The following PHLDB2 variants were observed in gnomAD, a reference collection of about 807,000 sequenced individuals.
PHLDB2 encodes pleckstrin homology-like domain family B member 2.
A neutral mutation model predicts 123.6 loss-of-function variants in PHLDB2; 71 were observed. That is an observed-to-expected ratio of 0.57 (90% CI 0.47 to 0.70). The LOEUF is 0.70. Ranked by LOEUF, PHLDB2 falls within the 30% of genes least tolerant of loss-of-function variation. PHLDB2 has a pLI of 0.00. For missense variants in PHLDB2, 1,446 were observed against 1,519.5 expected (o/e 0.95, Z 0.80); for synonymous variants, 547 against 541.6 (o/e 1.01, Z -0.14).
chr3:111,867,780 C>A (rs940988868), intron 1 of PHLDB2, among the ~76,000 whole-genome samples: 1 of 152,096 alleles, frequency 6.6e-6, no homozygotes, highest in Non-Finnish European at 1.5e-5. Flanking sequence ...TGGCTTACTG[C>A]AGCCTTGGTT....
chr3:111,827,159 AT>A (rs2062694882), intron 1 of PHLDB2, among the ~76,000 whole-genome samples: 1 of 152,196 alleles, frequency 6.6e-6, no homozygotes, highest in African/African-American at 2.4e-5. Flanking sequence ...GTTCAAATTG[AT>A]CCTCCAACCT....
At chr3:111,845,702 G>C in intron 1 of PHLDB2, 1 of 1,150,598 alleles carries the variant, frequency 8.7e-7, no homozygotes, top group Non-Finnish European at 1.2e-6. Flanking sequence ...TTCAGCAGTA[G>C]TTAGTTTCCC....
At chr3:111,806,440 T>C (rs2061591064) in intron 1 of PHLDB2, among the ~76,000 whole-genome samples, 1 of 152,180 alleles carries the variant, frequency 6.6e-6, no homozygotes, top group Non-Finnish European at 1.5e-5. Context: ...CTTCTGTGAC[T>C]GGCTTCTTTC....
intron 5 of PHLDB2, among the ~76,000 whole-genome samples, chr3:111,923,470 T>G (rs564975521): frequency 1.3e-5 from 2 of 152,332 alleles, no homozygotes; most frequent in South Asian, 4.1e-4. Flanking sequence ...TTCAAATAAC[T>G]TGTATATGCT....
chr3:111,749,102 T>A (rs1434538734), intron 1 of PHLDB2, among the ~76,000 whole-genome samples: 1 of 143,498 alleles, frequency 7.0e-6, no homozygotes, highest in Non-Finnish European at 1.5e-5. Context: ...AAGAGAAGGC[T>A]AAAAAAAAAA....
At chr3:111,822,295 A>ATGTG (rs35687126) in intron 1 of PHLDB2, among the ~76,000 whole-genome samples, 7,149 of 144,078 alleles carry the variant, frequency 0.05, 217 homozygotes, top group Middle Eastern at 0.082. Context: ...ATCTTTATGT[A>ATGTG]TGTGTGTGTG....
chr3:111,945,494 C>T, intron 9 of PHLDB2, 137 bp downstream of exon 9: 1 of 705,804 alleles, frequency 1.4e-6, no homozygotes, highest in Non-Finnish European at 2.5e-6. Context: ...GATGGTTTCC[C>T]TGCCTTTCAT....
chr3:111,747,167 T>A (rs976423086), intron 1 of PHLDB2, among the ~76,000 whole-genome samples: 1 of 152,186 alleles, frequency 6.6e-6, no homozygotes, highest in Non-Finnish European at 1.5e-5. Context: ...ATACTATAGA[T>A]TTATTCTTAT....
chr3:111,912,099 A>C (rs1035736003), intron 2 of PHLDB2, among the ~76,000 whole-genome samples: 1 of 152,234 alleles, frequency 6.6e-6, no homozygotes, highest in Non-Finnish European at 1.5e-5. Context: ...TCAGTGTGGT[A>C]AATGTGATCA....
At chr3:111,750,770 A>G (rs1432105431) in intron 1 of PHLDB2, among the ~76,000 whole-genome samples, 1 of 151,928 alleles carries the variant, frequency 6.6e-6, no homozygotes, top group African/African-American at 2.4e-5. Context: ...ACATGGTGAA[A>G]CCCCACCTCT....
chr3:111,762,700 G>A (rs959299886), intron 1 of PHLDB2, among the ~76,000 whole-genome samples: 12 of 152,160 alleles, frequency 7.9e-5, no homozygotes, highest in Non-Finnish European at 1.2e-4. Context: ...CGTAGTTTGT[G>A]TCTGAAATGG....
intron 1 of PHLDB2, among the ~76,000 whole-genome samples, chr3:111,786,193 G>A (rs1436759324): frequency 6.6e-6 from 1 of 152,052 alleles, no homozygotes; most frequent in Non-Finnish European, 1.5e-5. Context: ...ATCATCCCTA[G>A]ATTACTTCTA....
intron 1 of PHLDB2, 134 bp downstream of exon 1, chr3:111,859,710 G>A (rs2064702646): frequency 2.0e-6 from 2 of 985,360 alleles, no homozygotes; most frequent in South Asian, 4.7e-5. Context: ...GGTTGGGGGC[G>A]GAGAGGAGGC....
chr3:111,838,789 ACT>A (rs1313549802), intron 1 of PHLDB2, among the ~76,000 whole-genome samples: 3 of 152,088 alleles, frequency 2.0e-5, no homozygotes, highest in Non-Finnish European at 4.4e-5. Context: ...CTAAGAATAG[ACT>A]CTGAGATTTT....
At chr3:111,955,782 A>G (rs748647528) in intron 12 of PHLDB2, among the ~76,000 whole-genome samples, 1 of 152,188 alleles carries the variant, frequency 6.6e-6, no homozygotes, top group Non-Finnish European at 1.5e-5. Context: ...GGAAGACATC[A>G]AAGCTTAGAT....
intron 14 of PHLDB2, 46 bp downstream of exon 14, chr3:111,966,749 A>G: frequency 6.6e-7 from 1 of 1,510,422 alleles, no homozygotes; most frequent in South Asian, 1.1e-5. Flanking sequence ...ACCGTGGTGC[A>G]GGAGCCCTGC....
At chr3:111,926,487 T>C (rs1272516395) in intron 5 of PHLDB2, among the ~76,000 whole-genome samples, 2 of 152,212 alleles carry the variant, frequency 1.3e-5, no homozygotes, top group Non-Finnish European at 2.9e-5. Flanking sequence ...GAAGTGGAAC[T>C]GTATAATGGG....
In PHLDB2 at chr3:111,885,432, T is replaced by G. The variant is rs1279493698; in HGVS notation, c.1335+20T>G. 1.2e-6 allele frequency: 2 copies of G among 1,613,698 alleles called. No individual in the cohort carries two copies. The highest frequency in any genetic ancestry group is 1.7e-6 in the Non-Finnish European group (2 of 1,180,036). ...CGATTGGTAATCTTCATCTCAACAGTGATTGACCTCACTGTTTCATTAACC... is the reference window on the plus strand; with the variant it reads ...CGATTGGTAATCTTCATCTCAACAGGGATTGACCTCACTGTTTCATTAACC... On this transcript the variant is annotated intron_variant, in intron 2 of 17. Coordinates refer to ENST00000431670, the MANE Select transcript of PHLDB2 (RefSeq NM_001134438.2).
intron 1 of PHLDB2, among the ~76,000 whole-genome samples, chr3:111,779,038 G>C (rs1413283507): frequency 6.6e-6 from 1 of 152,014 alleles, no homozygotes; most frequent in Non-Finnish European, 1.5e-5. Flanking sequence ...GAATCACCTG[G>C]AGGGTATGTA....
Sources: gnomAD v4.1 joint callset for allele counts (sites outside exome capture counted in the v4.1 genomes callset) on GRCh38, gnomAD v4.1.1 for gene constraint, MANE v1.5 for transcripts, NCBI Gene and HGNC (gene_info 2026-07-23, HGNC 2026-07-21) for gene names.